Variants in MDGA2 observed in about 807,000 individuals in gnomAD.
The protein encoded by MDGA2 is MAM domain-containing glycosylphosphatidylinositol anchor protein 2.
MDGA2 carries 40 observed loss-of-function variants against 117.8 expected under a neutral mutation model. The ratio of observed to expected loss-of-function variants is 0.34; its 90% CI spans 0.26 to 0.44. The LOEUF (loss-of-function observed/expected upper bound fraction) is 0.44. Among genes scored for constraint, MDGA2 ranks in the 20% least tolerant of loss-of-function variants. The probability of loss-of-function intolerance (pLI) is 1.00; values close to 1 mark genes in which losing one functional copy is unlikely to be tolerated. For synonymous variants in MDGA2, 452 were observed against 439.0 expected (o/e 1.03, Z -0.37); for missense variants, 1,123 against 1,250.6 (o/e 0.90, Z 1.54).
At chr14:47,403,827 A>G (rs1400930559) in intron 1 of MDGA2, among the ~76,000 whole-genome samples, 1 of 152,040 alleles carries the variant, frequency 6.6e-6, no homozygotes, top group Non-Finnish European at 1.5e-5. Context: ...AGGCCATAAA[A>G]ATTATCTGAT....
At chr14:47,341,041 G>T (rs958735707) in intron 1 of MDGA2, among the ~76,000 whole-genome samples, 2 of 152,062 alleles carry the variant, frequency 1.3e-5, no homozygotes, top group East Asian at 3.9e-4. Flanking sequence ...CTGAATGAAG[G>T]CCTTATCTTC....
At chr14:47,095,672 AT>A (rs1463505991) in intron 6 of MDGA2, among the ~76,000 whole-genome samples, 1 of 151,962 alleles carries the variant, frequency 6.6e-6, no homozygotes, top group East Asian at 1.9e-4. Flanking sequence ...ATGGTATACA[AT>A]TTTGTGGCAG....
chr14:46,865,551 C>A (rs866889009), intron 14 of MDGA2, among the ~76,000 whole-genome samples: 5 of 152,014 alleles, frequency 3.3e-5, no homozygotes, highest in African/African-American at 1.2e-4. Context: ...GGCAATTAGG[C>A]AGGAGAAGGA....
intron 1 of MDGA2, among the ~76,000 whole-genome samples, chr14:47,489,874 A>G (rs533318411): frequency 6.6e-6 from 1 of 152,184 alleles, no homozygotes; most frequent in South Asian, 2.1e-4. Flanking sequence ...AATCATCAGC[A>G]TTCCTTTGCA....
rs1218912004 is a variant in MDGA2, at chr14:47,241,404, A to G, written c.421-23209T>C. Among the ~76,000 whole-genome samples the G allele has an allele frequency of 4.0e-5, 6 of 151,890 alleles. 1 individual carries two copies. Among genetic ancestry groups the G allele is most frequent in the South Asian group, 4.2e-4 (2 of 4,808 alleles). On this transcript the variant is annotated intron_variant, in intron 2 of 16. Transcript: ENST00000399232. Reference sequence around the variant, plus strand: ...AGGGCCAACTCCCTGGGACTTAGAAAAATCCTATCTTTTCCATTAAAATGT... The same window carrying G: ...AGGGCCAACTCCCTGGGACTTAGAAGAATCCTATCTTTTCCATTAAAATGT...
rs555753704 is a variant in MDGA2, at chr14:46,967,380, AAAGT to A, written c.1820-9741_1820-9738del. Among the ~76,000 whole-genome samples, 22 of 152,332 alleles carry A rather than the reference AAAGT, an allele frequency of 1.4e-4. No homozygotes were observed. In the East Asian group the frequency reaches 2.7e-3, roughly 19 times the overall value. ...TGTTGTCTGGTTCTTTGTTGGGATT[AAAGT>A]CATTTAAGGAAAATTGTGCTCATAA... On this transcript the variant is annotated intron_variant, in intron 8 of 16. Transcript: ENST00000399232.
chr14:47,436,918 TTC>T (rs1892911143), intron 1 of MDGA2, among the ~76,000 whole-genome samples: 1 of 152,074 alleles, frequency 6.6e-6, no homozygotes, highest in African/African-American at 2.4e-5. Flanking sequence ...CACCCTTGAG[TTC>T]TCCTCTGTGT....
intron 3 of MDGA2, among the ~76,000 whole-genome samples, chr14:47,214,875 T>A (rs1886027866): frequency 6.6e-6 from 1 of 152,110 alleles, no homozygotes; most frequent in Admixed American, 6.6e-5. Flanking sequence ...ATATATACAT[T>A]ATGTGTTATT....
chr14:47,184,218 C>G (rs909926663), intron 3 of MDGA2, among the ~76,000 whole-genome samples: 6 of 151,934 alleles, frequency 3.9e-5, no homozygotes, highest in African/African-American at 1.2e-4. Context: ...TTGATTTAAA[C>G]TCTTTTGCTT....
intron 1 of MDGA2, among the ~76,000 whole-genome samples, chr14:47,600,620 G>T (rs1455085213): frequency 1.3e-5 from 2 of 151,616 alleles, no homozygotes; most frequent in African/African-American, 2.4e-5. Flanking sequence ...TAAAAGGAAT[G>T]CATCTAAACC....
intron 14 of MDGA2, among the ~76,000 whole-genome samples, chr14:46,859,681 T>C (rs1284848182): frequency 6.6e-6 from 1 of 152,162 alleles, no homozygotes; most frequent in Non-Finnish European, 1.5e-5. Flanking sequence ...GTTTCTAATA[T>C]ATTTTGCCCA....
chr14:46,957,511 A>G lies in MDGA2; in HGVS notation c.1952T>C (p.Leu651Ser). ...LTYEWRLGNK[L>S]LRTGQFDSQE... is the part of the protein sequence containing the mutation. ...AGAGTCAAATTGACCCGTCCGTAAT[A>G]ATTTATTGCCCAAGCGCCACTCATA... Residue 651 changes from leucine to serine, a missense_variant, in exon 9 of 17, where the codon TTA (leucine) becomes TCA (serine). Leu to Ser is a moderately radical substitution (Grantham distance 145). This residue lies in a region of MDGA2 where 890 missense variants were observed against 1,050.3 expected (regional missense o/e 0.85). Transcript: ENST00000399232. The G allele has an allele frequency of 6.2e-7, 1 of 1,614,102 alleles. No homozygotes were observed. Among genetic ancestry groups the G allele is most frequent in the Non-Finnish European group, 8.5e-7 (1 of 1,180,008 alleles).
Position 47,605,012 on chromosome 14 carries a change from G to T in MDGA2, c.280+69505C>A, listed in dbSNP as rs1047859007. On this transcript the variant is annotated intron_variant, in intron 1 of 16. Coordinates refer to ENST00000399232, the MANE Select transcript of MDGA2 (RefSeq NM_001113498.3). Reference sequence around the variant, plus strand: ...TTAAACCACTAAACTTGGTTGGGGGGGGTGTATGCTGTGAACGCATGCATA... The same window carrying T: ...TTAAACCACTAAACTTGGTTGGGGGTGGTGTATGCTGTGAACGCATGCATA... Among the ~76,000 whole-genome samples the T allele has an allele frequency of 5.3e-5, 8 of 152,120 alleles. No homozygotes were observed. The South Asian group carries it at 6.2e-4, about 12-fold the overall frequency.
intron 1 of MDGA2, among the ~76,000 whole-genome samples, chr14:47,540,514 ATGTATATG>A (rs1348759471): frequency 6.1e-5 from 6 of 98,340 alleles, no homozygotes; most frequent in Middle Eastern, 4.7e-3. Context: ...GTATATGTAT[ATGTATATG>A]TGTGTGTGTG....
chr14:47,609,465 A>ACATATATATATATATATATATACATATAT (rs1555336021), intron 1 of MDGA2, among the ~76,000 whole-genome samples: 1 of 107,374 alleles, frequency 9.3e-6, no homozygotes, highest in Non-Finnish European at 1.9e-5. Context: ...ATATATATAT[A>ACATATATATATATATATATATACATATAT]AGTTTCTTTA....
chr14:47,241,305 T>C (rs1293397897), intron 2 of MDGA2, among the ~76,000 whole-genome samples: 2 of 151,852 alleles, frequency 1.3e-5, no homozygotes, highest in Non-Finnish European at 2.9e-5. Flanking sequence ...GGTGAAACCA[T>C]TGCTCTCCTT....
intron 2 of MDGA2, among the ~76,000 whole-genome samples, chr14:47,281,207 A>G (rs1339858406): frequency 1.3e-5 from 2 of 150,056 alleles, no homozygotes; most frequent in African/African-American, 4.9e-5. Flanking sequence ...TTTTTTTTTC[A>G]ATTAGAATCT....
chr14:47,197,434 A>G (rs1386447412), intron 3 of MDGA2, among the ~76,000 whole-genome samples: 1 of 152,078 alleles, frequency 6.6e-6, no homozygotes, highest in Non-Finnish European at 1.5e-5. Context: ...ACTAGATACC[A>G]TATCTTCCAG....
intron 1 of MDGA2, among the ~76,000 whole-genome samples, chr14:47,340,245 T>A (rs1018077364): frequency 1.2e-4 from 18 of 152,114 alleles, no homozygotes; most frequent in African/African-American, 4.3e-4. Context: ...ATTGGAATGA[T>A]TCTGGCTAGC....
Sources: allele counts gnomAD v4.1 joint callset (sites outside exome capture counted in the v4.1 genomes callset), GRCh38; gene constraint gnomAD v4.1.1; regional missense constraint gnomAD v4.1.1; transcripts MANE v1.5; gene names NCBI Gene and HGNC (gene_info 2026-07-23, HGNC 2026-07-21).